Variants in TTLL11 observed in about 807,000 individuals in gnomAD.
TTLL11 encodes tubulin polyglutamylase TTLL11.
A neutral mutation model predicts 51.7 loss-of-function variants in TTLL11; 42 were observed. The observed-to-expected ratio is 0.81, with a 90% confidence interval of 0.64 to 1.05. The LOEUF is 1.05. Ranked by LOEUF, TTLL11 falls within the 50% of genes least tolerant of loss-of-function variation. TTLL11 has a pLI of 0.00. For synonymous variants in TTLL11, 381 were observed against 383.5 expected (o/e 0.99, Z 0.08); for missense variants, 799 against 940.4 (o/e 0.85, Z 1.97).
intron 1 of TTLL11, among the ~76,000 whole-genome samples, chr9:122,072,846 G>A (rs530492199): frequency 5.3e-5 from 8 of 152,018 alleles, no homozygotes; most frequent in East Asian, 1.9e-4. Context: ...CTGTAACATC[G>A]CGCTTCCTAC....
chr9:121,923,420 G>A (rs1840609753), intron 6 of TTLL11, among the ~76,000 whole-genome samples: 1 of 152,080 alleles, frequency 6.6e-6, no homozygotes, highest in Non-Finnish European at 1.5e-5. Flanking sequence ...AGTTAGGGTT[G>A]GAGTATTTTT....
chr9:121,922,760 A>AGTGTGTGTGTGT (rs71370699), intron 6 of TTLL11, among the ~76,000 whole-genome samples: 2,081 of 148,286 alleles, frequency 0.014, 50 homozygotes, highest in East Asian at 0.086. Flanking sequence ...ATATCTATTC[A>AGTGTGTGTGTGT]GTGTGTGTGT....
chr9:121,877,981 G>T (rs1453743858), intron 6 of TTLL11, among the ~76,000 whole-genome samples: 1 of 152,148 alleles, frequency 6.6e-6, no homozygotes, highest in Non-Finnish European at 1.5e-5. Flanking sequence ...TACGAATTAG[G>T]TATTACAAAT....
intron 3 of TTLL11, among the ~76,000 whole-genome samples, chr9:122,018,034 C>A (rs1271342061): frequency 6.6e-6 from 1 of 151,754 alleles, no homozygotes. Context: ...TTTACTTTCA[C>A]ATGCCTATAC....
chr9:121,992,304 C>T (rs1252867371), intron 3 of TTLL11, among the ~76,000 whole-genome samples: 1 of 152,246 alleles, frequency 6.6e-6, no homozygotes, highest in East Asian at 1.9e-4. Flanking sequence ...TTCATATTCA[C>T]TCTCCTCTGA....
At chr9:121,931,063 T>C (rs1219346982) in intron 6 of TTLL11, among the ~76,000 whole-genome samples, 1 of 152,208 alleles carries the variant, frequency 6.6e-6, no homozygotes, top group African/African-American at 2.4e-5. Flanking sequence ...CATTAACTGG[T>C]AACATGGCAA....
chr9:121,964,430 T>A (rs1449190295), intron 6 of TTLL11, among the ~76,000 whole-genome samples: 1 of 152,154 alleles, frequency 6.6e-6, no homozygotes, highest in Non-Finnish European at 1.5e-5. Flanking sequence ...CCTGAGTAGC[T>A]GGGATTACAG....
At chr9:122,069,039 T>A (rs1276474129) in intron 1 of TTLL11, among the ~76,000 whole-genome samples, 2 of 152,088 alleles carry the variant, frequency 1.3e-5, no homozygotes, top group Non-Finnish European at 2.9e-5. Context: ...GAGTAAGAAA[T>A]AGACTTCCAG....
chr9:121,919,778 G>A (rs1308513046), intron 6 of TTLL11, among the ~76,000 whole-genome samples: 1 of 148,594 alleles, frequency 6.7e-6, no homozygotes, highest in Admixed American at 6.8e-5. Flanking sequence ...TTGGGAGTCT[G>A]AGAGGGAAGG....
At chr9:121,892,994 C>A (rs1839311996) in intron 6 of TTLL11, among the ~76,000 whole-genome samples, 1 of 152,136 alleles carries the variant, frequency 6.6e-6, no homozygotes, top group Non-Finnish European at 1.5e-5. Context: ...CACCTACAGA[C>A]TAATTCACAA....
intron 6 of TTLL11, among the ~76,000 whole-genome samples, chr9:121,899,396 T>C (rs1272688811): frequency 7.2e-6 from 1 of 139,440 alleles, no homozygotes; most frequent in South Asian, 2.3e-4. Flanking sequence ...TATATATATA[T>C]ATATATACAC....
chr9:121,923,337 T>C (rs1840605459), intron 6 of TTLL11, among the ~76,000 whole-genome samples: 2 of 152,206 alleles, frequency 1.3e-5, no homozygotes, highest in South Asian at 2.1e-4. Flanking sequence ...GAATAGCTTG[T>C]ACGTTACAAG....
intron 1 of TTLL11, among the ~76,000 whole-genome samples, chr9:122,090,006 GTTCT>G (rs1435259380): frequency 6.6e-6 from 1 of 150,436 alleles, no homozygotes; most frequent in African/African-American, 2.5e-5. Flanking sequence ...ATGCCAATGT[GTTCT>G]CTGAGTGGGA....
At chr9:121,939,806 C>T (rs1279118351) in intron 6 of TTLL11, among the ~76,000 whole-genome samples, 1 of 152,180 alleles carries the variant, frequency 6.6e-6, no homozygotes, top group Non-Finnish European at 1.5e-5. Context: ...GCCCAGCCTG[C>T]AGACAGCAGG....
chr9:121,853,067 C>T lies in TTLL11; in HGVS notation c.1840+7270G>A, dbSNP rs1441363417. ...CCAAATACATTTCAGCTGGGGCTTA[C>T]TCCAGCCGATGTGAGCAGAGGCGTC... On this transcript the variant is annotated intron_variant, in intron 8 of 8. Coordinates refer to ENST00000321582, the MANE Select transcript of TTLL11 (RefSeq NM_001139442.2). The surrounding 1 kb of genome is among the most constrained non-coding windows in gnomAD (Gnocchi z 5.6). Among the ~76,000 whole-genome samples, 2 of 152,230 alleles carry T rather than the reference C, an allele frequency of 1.3e-5. No homozygotes were observed. The highest frequency in any genetic ancestry group is 2.9e-5 in the Non-Finnish European group (2 of 68,046).
chr9:121,907,285 A>C (rs1194082294), intron 6 of TTLL11, among the ~76,000 whole-genome samples: 2 of 151,970 alleles, frequency 1.3e-5, no homozygotes. Flanking sequence ...CCCCTTCTCT[A>C]CTAAAAATAC....
At chr9:121,930,216 A>T (rs1391980315) in intron 6 of TTLL11, among the ~76,000 whole-genome samples, 2 of 152,212 alleles carry the variant, frequency 1.3e-5, no homozygotes, top group African/African-American at 4.8e-5. Flanking sequence ...TCCTGGCTGC[A>T]TCGGAAAAAG....
intron 6 of TTLL11, among the ~76,000 whole-genome samples, chr9:121,933,400 G>C (rs1841069372): frequency 2.0e-5 from 3 of 152,138 alleles, no homozygotes; most frequent in Non-Finnish European, 4.4e-5. Flanking sequence ...AGAGAGTCAG[G>C]CTGGAGTAAC....
In TTLL11 at chr9:122,009,686, ATAT is replaced by A. The variant is rs796494695; in HGVS notation, c.694-19919_694-19917del. On this transcript the variant is annotated intron_variant, in intron 3 of 8. Transcript: ENST00000321582. ...AAGAATGAATGTTGTATATATATAT[ATAT>A]GACTTTAAATAAAAGTTTAAAATAT... 9.2e-5 allele frequency among the ~76,000 whole-genome samples: 14 copies of A among 151,914 alleles called. No individual in the cohort carries two copies. The South Asian group carries it at 2.7e-3, about 29-fold the overall frequency.
Sources: gnomAD v4.1 joint callset for allele counts (sites outside exome capture counted in the v4.1 genomes callset) on GRCh38, gnomAD v4.1.1 for gene constraint, Gnocchi (gnomAD v3.1) non-coding constraint, MANE v1.5 for transcripts, NCBI Gene and HGNC (gene_info 2026-07-23, HGNC 2026-07-21) for gene names.